Variants in SLCO6A1 observed in about 807,000 individuals in gnomAD.
SLCO6A1 encodes the protein solute carrier organic anion transporter family member 6A1, also known as cancer/testis antigen 48.
In SLCO6A1, 65 loss-of-function variants were observed where a neutral mutation model predicts 72.7. The observed-to-expected ratio is 0.89, with a 90% confidence interval of 0.73 to 1.10. The LOEUF is 1.10. Among genes scored for constraint, SLCO6A1 ranks in the 50% least tolerant of loss-of-function variants. The pLI, the probability that SLCO6A1 is intolerant of heterozygous loss-of-function variation, is 0.00. For synonymous variants in SLCO6A1, 314 were observed against 298.2 expected, an observed-to-expected ratio of 1.05 and a Z score of -0.55; for missense variants, 874 against 872.6, an observed-to-expected ratio of 1.00 and a Z score of -0.02.
intron 9 of SLCO6A1, among the ~76,000 whole-genome samples, chr5:102,410,061 T>C (rs964695853): frequency 6.6e-6 from 1 of 152,132 alleles, no homozygotes; most frequent in Admixed American, 6.6e-5. Context: ...CAAGTTCTTA[T>C]CCTGTGTCCA....
chr5:102,452,756 A>G (rs1750487887), intron 6 of SLCO6A1, among the ~76,000 whole-genome samples: 2 of 152,324 alleles, frequency 1.3e-5, no homozygotes, highest in African/African-American at 2.4e-5. Context: ...ACAAGAAAAG[A>G]CTATTTTTTA....
At chr5:102,392,076 G>A (rs764654756) in intron 10 of SLCO6A1, among the ~76,000 whole-genome samples, 19 of 151,658 alleles carry the variant, frequency 1.3e-4, no homozygotes, top group East Asian at 9.7e-4. Flanking sequence ...CTTCAAACTC[G>A]AACAATAAAC....
intron 10 of SLCO6A1, among the ~76,000 whole-genome samples, chr5:102,393,079 C>CT (rs1746858604): frequency 6.6e-6 from 1 of 152,054 alleles, no homozygotes; most frequent in Admixed American, 6.6e-5. Flanking sequence ...TTTCATATCT[C>CT]TTTTTTTATC....
At chr5:102,476,054 G>A (rs1751882228) in intron 3 of SLCO6A1, among the ~76,000 whole-genome samples, 1 of 152,076 alleles carries the variant, frequency 6.6e-6, no homozygotes. Flanking sequence ...GGGGACCAGG[G>A]GGTAATGGTG....
chr5:102,494,390 GC>G (rs1261569234), intron 1 of SLCO6A1, among the ~76,000 whole-genome samples: 2 of 152,078 alleles, frequency 1.3e-5, no homozygotes, highest in African/African-American at 4.8e-5. Flanking sequence ...TATGATAGAA[GC>G]CAAAAAGAAT....
At chr5:102,372,373 C>T (rs189703131) in intron 13 of SLCO6A1, among the ~76,000 whole-genome samples, 19 of 152,060 alleles carry the variant, frequency 1.2e-4, no homozygotes, top group Admixed American at 3.9e-4. Context: ...CAGCTATTAT[C>T]ACTTCTCCCA....
At chr5:102,429,643 A>C (rs754490530) in intron 7 of SLCO6A1, among the ~76,000 whole-genome samples, 2 of 151,614 alleles carry the variant, frequency 1.3e-5, no homozygotes, top group African/African-American at 2.4e-5. Flanking sequence ...TGGGCTGTCT[A>C]TTCTGTTCCA....
At chr5:102,418,255 A>C (rs1748401614) in intron 8 of SLCO6A1, among the ~76,000 whole-genome samples, 2 of 151,876 alleles carry the variant, frequency 1.3e-5, no homozygotes, top group Admixed American at 1.3e-4. Flanking sequence ...GCTAATTTTA[A>C]GATTTGCTTT....
chr5:102,454,865 A>C (rs1001975393), intron 6 of SLCO6A1, among the ~76,000 whole-genome samples: 1 of 151,404 alleles, frequency 6.6e-6, no homozygotes. Flanking sequence ...TACAAATCTG[A>C]ATTAAATGTA....
intron 1 of SLCO6A1, among the ~76,000 whole-genome samples, chr5:102,491,280 T>C (rs966234240): frequency 3.9e-5 from 6 of 152,110 alleles, no homozygotes; most frequent in Non-Finnish European, 4.4e-5. Flanking sequence ...CAGCTAGACA[T>C]AAAGGTTCTC....
intron 1 of SLCO6A1, 70 bp downstream of exon 1, chr5:102,498,413 ATACT>A: frequency 6.9e-7 from 1 of 1,440,702 alleles, no homozygotes; most frequent in African/African-American, 1.4e-5. Flanking sequence ...GTCCTCCGCC[ATACT>A]CCCTCTCCCG....
In SLCO6A1 at chr5:102,391,060, C is replaced by G; in HGVS notation, c.1815-15G>C. On this transcript the variant is annotated splice_polypyrimidine_tract_variant and intron_variant, in intron 10 of 13. Transcript: ENST00000506729. Reference sequence around the variant, plus strand: ...CAGGTACAACCCTGAAAGTAAATAGCAATGATATAATCAGCACATCATTGT... The same window carrying G: ...CAGGTACAACCCTGAAAGTAAATAGGAATGATATAATCAGCACATCATTGT... The G allele has an allele frequency of 6.2e-7, 1 of 1,608,152 alleles. No homozygotes were observed. The highest frequency in any genetic ancestry group is 8.5e-7 in the Non-Finnish European group (1 of 1,174,766).
intron 4 of SLCO6A1, among the ~76,000 whole-genome samples, chr5:102,467,085 T>C (rs1751349764): frequency 6.6e-6 from 1 of 152,176 alleles, no homozygotes; most frequent in African/African-American, 2.4e-5. Context: ...CATGAAATCT[T>C]TGCCCATGCC....
chr5:102,388,644 G>T (rs763123137), intron 12 of SLCO6A1, 44 bp downstream of exon 12: 10 of 1,335,058 alleles, frequency 7.5e-6, no homozygotes, highest in Non-Finnish European at 9.1e-6. Context: ...ATAACTTTTA[G>T]AAATAATTTT....
chr5:102,479,287 A>G (rs1752065304), intron 2 of SLCO6A1, among the ~76,000 whole-genome samples: 1 of 152,162 alleles, frequency 6.6e-6, no homozygotes, highest in Admixed American at 6.5e-5. Flanking sequence ...AACTTCCACT[A>G]TGATTTTAAG....
chr5:102,449,190 C>A (rs1186809755), intron 6 of SLCO6A1, among the ~76,000 whole-genome samples: 2 of 152,000 alleles, frequency 1.3e-5, no homozygotes, highest in South Asian at 4.2e-4. Flanking sequence ...GAATATAGAC[C>A]CCCAATCTCT....
intron 4 of SLCO6A1, among the ~76,000 whole-genome samples, chr5:102,467,700 T>A (rs1258495376): frequency 6.6e-6 from 1 of 152,154 alleles, no homozygotes; most frequent in Non-Finnish European, 1.5e-5. Context: ...TCATTTCTAA[T>A]TGAGCTTGTT....
chr5:102,498,422 C>T, intron 1 of SLCO6A1, 65 bp downstream of exon 1: 3 of 1,493,738 alleles, frequency 2.0e-6, no homozygotes, highest in Non-Finnish European at 1.8e-6. Context: ...CATACTCCCT[C>T]TCCCGCCTCC....
At chr5:102,444,718 T>C (rs2112701397) in intron 6 of SLCO6A1, among the ~76,000 whole-genome samples, 1 of 152,324 alleles carries the variant, frequency 6.6e-6, no homozygotes, top group South Asian at 2.1e-4. Context: ...TACAAAATGT[T>C]CTGACCTAAA....
Sources: allele counts gnomAD v4.1 joint callset (sites outside exome capture counted in the v4.1 genomes callset), GRCh38; gene constraint gnomAD v4.1.1; transcripts MANE v1.5; gene names NCBI Gene and HGNC (gene_info 2026-07-23, HGNC 2026-07-21).